KDM5C: variants seen among roughly 807,000 people sequenced by gnomAD.
The protein encoded by KDM5C is lysine demethylase 5C, also known as lysine-specific demethylase 5C.
A neutral mutation model predicts 110.6 loss-of-function variants in KDM5C; 16 were observed. That is an observed-to-expected ratio of 0.14 (90% confidence interval 0.10 to 0.22). KDM5C has a LOEUF of 0.22. Among genes scored for constraint, KDM5C ranks in the 10% least tolerant of loss-of-function variants. The probability of loss-of-function intolerance (pLI) is 1.00; values close to 1 mark genes in which losing one functional copy is unlikely to be tolerated. For synonymous variants in KDM5C, 511 were observed against 520.4 expected, an observed-to-expected ratio of 0.98 and a Z score of 0.24; for missense variants, 681 against 1,300.9, an observed-to-expected ratio of 0.52 and a Z score of 7.33.
intron 25 of KDM5C, among the ~76,000 whole-genome samples, chrX:53,181,337 G>A (rs187574494): frequency 1.8e-5 from 2 of 110,112 alleles, no homozygotes; most frequent in Non-Finnish European, 3.8e-5. Flanking sequence ...TTGAGACTAG[G>A]AATAGGAACA....
At chrX:53,203,066 A>G (rs1459509611) in intron 12 of KDM5C, among the ~76,000 whole-genome samples, 1 of 111,081 alleles carries the variant, frequency 9.0e-6, no homozygotes, top group Non-Finnish European at 1.9e-5. Context: ...TCGGCCTCCC[A>G]AAGTGCTGGG....
Position 53,198,790 on chromosome X carries a change from A to AG in KDM5C, c.2341dup (p.Leu781ProfsTer12). On this transcript the variant is annotated frameshift_variant, in exon 16 of 26. Transcript: ENST00000375401. LOFTEE classifies it high-confidence loss of function. ...GCGCTTCCGCCCATCCTCCACCTCC[A>AG]GGGCCACTCGCACTTTGTTGGCCCA... 8.2e-7 allele frequency: 1 copy of AG among 1,212,142 alleles called. No individual in the cohort carries two copies. The highest frequency in any genetic ancestry group is 1.1e-6 in the Non-Finnish European group (1 of 895,562).
intron 24 of KDM5C, 55 bp downstream of exon 24, chrX:53,193,718 G>C (rs909950726): frequency 8.5e-6 from 10 of 1,172,764 alleles, no homozygotes; most frequent in Non-Finnish European, 1.2e-5. Flanking sequence ...AGGACTACAT[G>C]GGTCACTATG....
chrX:53,196,330 T>C (rs1556836756), intron 19 of KDM5C, among the ~76,000 whole-genome samples: 1 of 112,445 alleles, frequency 8.9e-6, no homozygotes, highest in Admixed American at 9.4e-5. Flanking sequence ...ATACAACCTG[T>C]ATTGTGTAAT....
chrX:53,190,932 T>C (rs1934390895), downstream of KDM5C, among the ~76,000 whole-genome samples: 1 of 111,657 alleles, frequency 9.0e-6, no homozygotes, highest in Non-Finnish European at 1.9e-5. Flanking sequence ...TCACAGCCCC[T>C]TGAGAGGACG....
rs2074007849 is a variant in KDM5C, at chrX:53,225,186, G to A, written c.-297C>T. 5.7e-6 allele frequency: 2 copies of A among 353,148 alleles called. No individual in the cohort carries two copies. Among genetic ancestry groups the A allele is most frequent in the African/African-American group, 5.2e-5 (2 of 38,525 alleles). The allele number at this position is 353,148 out of a possible 1,213,427, so 29.1% of individuals were successfully genotyped here. A position where few individuals can be genotyped will look rare whatever the true frequency, so the allele number is the denominator to read the frequency against. On this transcript the variant is annotated 5_prime_UTR_variant, in exon 1 of 26. Transcript: ENST00000375401. The stretch of plus-strand genomic sequence containing the variant: ...CCCAAACGCCGCGGCCTTCAGCGCC[G>A]CCGCCGCCATCTTGGTTTGTCAGCG...
Position 53,201,668 on chromosome X carries a change from A to G in KDM5C, c.1943T>C (p.Ile648Thr). The G allele has an allele frequency of 8.2e-7, 1 of 1,212,331 alleles. No individual in the cohort carries two copies. The highest frequency in any genetic ancestry group is 1.1e-6 in the Non-Finnish European group (1 of 895,633). The change falls in exon 14 of 26, where the codon ATC becomes ACC. Residue 648 changes from isoleucine to threonine, a missense_variant. This residue lies in a region of KDM5C where 42 missense variants were observed against 98.9 expected (regional missense o/e 0.42). Coordinates refer to ENST00000375401, the MANE Select transcript of KDM5C (RefSeq NM_004187.5). Reference protein sequence around the residue: ...RYCVFSHEELICKMAACPEKL... With the variant: ...RYCVFSHEELTCKMAACPEKL... ...CTCTGGGCAGGCAGCCATCTTGCAGATAAGCTCCTCATGGGAGAAGACGCA... is the reference window on the plus strand; with the variant it reads ...CTCTGGGCAGGCAGCCATCTTGCAGGTAAGCTCCTCATGGGAGAAGACGCA...
At chrX:53,208,653 G>A (rs1251181264) in intron 12 of KDM5C, among the ~76,000 whole-genome samples, 4 of 104,028 alleles carry the variant, frequency 3.8e-5, no homozygotes, top group South Asian at 4.4e-4. Context: ...CTACAGGCAC[G>A]TGCCACCACG....
Position 53,201,578 on chromosome X carries a change from C to T in KDM5C, c.2033G>A (p.Arg678Gln), listed in dbSNP as rs2073141262. The T allele has an allele frequency of 1.7e-6, 2 of 1,211,930 alleles. No homozygotes were observed. The highest frequency in any genetic ancestry group is 1.1e-6 in the Non-Finnish European group (1 of 895,536). The change falls in exon 14 of 26, where the codon CGG becomes CAG. Residue 678 changes from arginine to glutamine, a missense_variant. Coordinates refer to ENST00000375401, the MANE Select transcript of KDM5C (RefSeq NM_004187.5). ...CTCCAGCAGGGCCTTTCGTAGACGC[C>T]GCTCTTCTTGCACCATGATGAACAT... The part of the protein sequence containing the change: ...KEMFIMVQEE[R>Q]RLRKALLEKG...
At position 53,198,997 on chromosome X, in the gene KDM5C, G is replaced by A; in HGVS notation, c.2223C>T (p.Ser741=). 1 of 1,212,057 alleles carries A rather than the reference G, an allele frequency of 8.3e-7. No individual in the cohort carries two copies. Among genetic ancestry groups the A allele is most frequent in the Non-Finnish European group, 1.1e-6 (1 of 895,574 alleles). The change falls in exon 15 of 26, where the codon TCC becomes TCT. Residue 741 remains serine (S), a synonymous_variant. Coordinates refer to ENST00000375401, the MANE Select transcript of KDM5C (RefSeq NM_004187.5). ...CTCACCGCAGGTACTGCCGGCTACT[G>A]GAGCACTTGCAGAGATCATTGATGT... ...LSHINDLCKC[S]SSRQYLRYRY...
intron 21 of KDM5C, 28 bp downstream of exon 21, chrX:53,195,203 C>T (rs200316209): frequency 1.9e-4 from 228 of 1,187,853 alleles, no homozygotes; most frequent in Non-Finnish European, 2.4e-4. Context: ...CGTTAAGAGA[C>T]GCTGTAGGTC....
At chrX:53,179,769 A>G (rs1933983836) in intron 25 of KDM5C, among the ~76,000 whole-genome samples, 1 of 112,137 alleles carries the variant, frequency 8.9e-6, no homozygotes, top group South Asian at 3.8e-4. Flanking sequence ...AAAATCCAGG[A>G]CACCGACAAT....
At chrX:53,218,810 G>A (rs2073821759) in intron 2 of KDM5C, 1 of 262,617 alleles carries the variant, frequency 3.8e-6, no homozygotes, top group African/African-American at 2.8e-5. Context: ...CTAAGCTCAA[G>A]CAATCCATCC....
chrX:53,207,082 C>G (rs143340154), intron 12 of KDM5C, among the ~76,000 whole-genome samples: 2,299 of 97,674 alleles, frequency 0.024, 79 homozygotes, highest in African/African-American at 0.083. Context: ...GAGGCTGAGA[C>G]AGGAGAATCG....
chrX:53,182,034 C>T (rs191616958), intron 25 of KDM5C, among the ~76,000 whole-genome samples: 20 of 110,895 alleles, frequency 1.8e-4, no homozygotes, highest in East Asian at 2.8e-4. Flanking sequence ...GTGATTAGCC[C>T]GCCTCGGCCT....
chrX:53,183,427 C>A (rs1228846380), intron 25 of KDM5C, among the ~76,000 whole-genome samples: 1 of 107,131 alleles, frequency 9.3e-6, no homozygotes, highest in African/African-American at 3.4e-5. Context: ...TGCACTCCAG[C>A]CTGGGCAACA....
chrX:53,180,193 A>G (rs1933994992), intron 25 of KDM5C, among the ~76,000 whole-genome samples: 1 of 111,431 alleles, frequency 9.0e-6, no homozygotes, highest in Admixed American at 9.6e-5. Flanking sequence ...GCTATATACT[A>G]TATGATTCCT....
chrX:53,180,132 T>C (rs1933993337), intron 25 of KDM5C, among the ~76,000 whole-genome samples: 1 of 109,625 alleles, frequency 9.1e-6, no homozygotes, highest in African/African-American at 3.3e-5. Flanking sequence ...CCAAGAGACA[T>C]GGAAGAATCT....
At position 53,197,975 on chromosome X, in the gene KDM5C, C is replaced by G. The variant is rs1303027062; in HGVS notation, c.2517-99G>C. ...ACCTTTCCTCACTACACCTGTCCAC[C>G]TTGATCTCGCATATTTCAAATTTGC... On this transcript the variant is annotated intron_variant, in intron 17 of 25. Coordinates refer to ENST00000375401, the MANE Select transcript of KDM5C (RefSeq NM_004187.5). The G allele has an allele frequency of 4.7e-6, 3 of 645,124 alleles. No individual in the cohort carries two copies. The African/African-American group carries it at 6.6e-5, about 14-fold the overall frequency. The allele number at this position is 645,124 out of a possible 1,213,427, so 53.2% of individuals were successfully genotyped here.
Sources: allele counts gnomAD v4.1 joint callset (sites outside exome capture counted in the v4.1 genomes callset), GRCh38; gene constraint gnomAD v4.1.1; regional missense constraint gnomAD v4.1.1; transcripts MANE v1.5; gene names NCBI Gene and HGNC (gene_info 2026-07-23, HGNC 2026-07-21).